Variants in CDV3 observed in about 807,000 individuals in gnomAD.
CDV3 encodes CDV3 homolog.
A neutral mutation model predicts 24.5 loss-of-function variants in CDV3; 14 were observed. The ratio of observed to expected loss-of-function variants is 0.57; its 90% CI spans 0.38 to 0.89. The LOEUF (loss-of-function observed/expected upper bound fraction) is 0.89. Ranked by LOEUF, CDV3 falls within the 40% of genes least tolerant of loss-of-function variation. The pLI, the probability that CDV3 is intolerant of heterozygous loss-of-function variation, is 0.00. For synonymous variants in CDV3, 114 were observed against 114.1 expected (o/e 1.00, Z 0.00); for missense variants, 304 against 310.2 (o/e 0.98, Z 0.15).
chr3:133,579,079 G>A (rs2074923170), intron 2 of CDV3, among the ~76,000 whole-genome samples: 1 of 152,168 alleles, frequency 6.6e-6, no homozygotes, highest in Non-Finnish European at 1.5e-5. Context: ...TGTAGCCCTG[G>A]GGAAGGTACT....
rs935632153 is a variant in CDV3, at chr3:133,587,715, CTG to C, written c.627-177_627-176del. The C allele has an allele frequency of 4.2e-5, 59 of 1,389,296 alleles. No individual in the cohort carries two copies. In the African/African-American group the frequency reaches 7.8e-4, roughly 18 times the overall value. The allele number at this position is 1,389,296 out of a possible 1,614,324, so 86.1% of individuals were successfully genotyped here. ...GACCCTAGAGCTTCAATACAGCGTTCTGTGTTTTCTGTTTGAATTGAAGCCTT... is the reference window on the plus strand; with the variant it reads ...GACCCTAGAGCTTCAATACAGCGTTCTGTTTTCTGTTTGAATTGAAGCCTT... On this transcript the variant is annotated intron_variant, in intron 4 of 4. Coordinates refer to ENST00000264993, the MANE Select transcript of CDV3 (RefSeq NM_017548.5).
In CDV3 at chr3:133,574,232, C is replaced by T. The variant is rs2074712188; in HGVS notation, c.188C>T (p.Thr63Ile). 3 of 994,894 alleles carry T rather than the reference C, an allele frequency of 3.0e-6. No individual in the cohort carries two copies. The highest frequency in any genetic ancestry group is 3.6e-6 in the Non-Finnish European group (3 of 837,654). The allele number at this position is 994,894 out of a possible 1,614,324, so 61.6% of individuals were successfully genotyped here. A position where few individuals can be genotyped will look rare whatever the true frequency, so the allele number is the denominator to read the frequency against. The change falls in exon 1 of 5, where the codon ACC (threonine) becomes ATC (isoleucine). Residue 63 changes from threonine to isoleucine, a missense_variant. By Grantham distance (89) the Thr-to-Ile change is moderately conservative. Around this residue, in one of 3 missense-constraint regions of CDV3, gnomAD observed 219 missense variants for 203.6 expected, o/e 1.08. Coordinates refer to ENST00000264993, the MANE Select transcript of CDV3 (RefSeq NM_017548.5). ...GAGTRPGDGG[T>I]ASAGAAGPGA... The stretch of plus-strand genomic sequence containing the variant: ...GGGACCCGGCCGGGTGACGGCGGGA[C>T]CGCCAGCGCGGGGGCTGCGGGCCCA...
At chr3:133,578,352 A>C (rs1338346534) in intron 2 of CDV3, among the ~76,000 whole-genome samples, 1 of 152,234 alleles carries the variant, frequency 6.6e-6, no homozygotes, top group Admixed American at 6.5e-5. Context: ...AGCATTTGTC[A>C]CGTTTCAGTA....
chr3:133,580,671 C>T (rs921251914), intron 2 of CDV3, among the ~76,000 whole-genome samples: 1 of 151,896 alleles, frequency 6.6e-6, no homozygotes, highest in East Asian at 1.9e-4. Flanking sequence ...CATTGCACTC[C>T]AGTCTGGGCA....
chr3:133,574,797 C>T (rs760606559), intron 1 of CDV3: 3 of 998,040 alleles, frequency 3.0e-6, no homozygotes, highest in African/African-American at 3.3e-5. Context: ...TTCGGCTTTT[C>T]TTAGTTGCTT....
Position 133,586,550 on chromosome 3 carries a change from TATAAA to T in CDV3, c.467-9_467-5del. ...TTTAAATAGTTTATCTAAAAATTGT[TATAAA>T]ATATTAGTTACAGAAACCCCAGAAC... On this transcript the variant is annotated splice_region_variant and splice_polypyrimidine_tract_variant and intron_variant, in intron 3 of 4. Coordinates refer to ENST00000264993, the MANE Select transcript of CDV3 (RefSeq NM_017548.5). 1 of 1,427,850 alleles carries T rather than the reference TATAAA, an allele frequency of 7.0e-7. No individual in the cohort carries two copies. The highest frequency in any genetic ancestry group is 9.7e-7 in the Non-Finnish European group (1 of 1,026,928). 88.4% of individuals were successfully genotyped at this position (1,427,850 alleles called of 1,614,324 possible).
intron 2 of CDV3, among the ~76,000 whole-genome samples, chr3:133,577,902 G>C (rs2074875751): frequency 6.6e-6 from 1 of 152,186 alleles, no homozygotes; most frequent in Non-Finnish European, 1.5e-5. Flanking sequence ...ACAGATTCTT[G>C]AGAGGGAAGC....
chr3:133,583,363 A>AC (rs1933255679), intron 2 of CDV3, among the ~76,000 whole-genome samples: 2 of 152,322 alleles, frequency 1.3e-5, no homozygotes, highest in African/African-American at 4.8e-5. Context: ...TGCTTACCTT[A>AC]AATGCCTGTT....
rs893150019 is a variant in CDV3 at position 133,574,339 on chromosome 3, G to T, written c.240+55G>T. The T allele has an allele frequency of 9.3e-4, 854 of 920,116 alleles. 1 individual carries two copies. Among genetic ancestry groups the T allele is most frequent in the Admixed American group, 3.2e-3 (52 of 16,206 alleles). The allele number at this position is 920,116 out of a possible 1,614,324, so 57.0% of individuals were successfully genotyped here. A position where few individuals can be genotyped will look rare whatever the true frequency, so the allele number is the denominator to read the frequency against. Reference sequence around the variant, plus strand: ...CCCGGGCCGCGCGCCGGCGCCCCATGTGCCCGCCCCCGCCTGCCGGGGAAG... The same window carrying T: ...CCCGGGCCGCGCGCCGGCGCCCCATTTGCCCGCCCCCGCCTGCCGGGGAAG... On this transcript the variant is annotated intron_variant, in intron 1 of 4. Transcript: ENST00000264993.
chr3:133,575,332 G>C (rs1388622937), intron 2 of CDV3, among the ~76,000 whole-genome samples: 1 of 152,218 alleles, frequency 6.6e-6, no homozygotes, highest in Non-Finnish European at 1.5e-5. Context: ...TCCTGTGAGA[G>C]CTTGCCTACT....
rs2074829111 is a variant in CDV3 at position 133,576,841 on chromosome 3, C to CTTTTTTTTTTTTTTTTTTTGTT, written c.317+1745_317+1746insGTTTTTTTTTTTTTTTTTTTTT. ...TCTGTTCAACCTGAAGGTAGACTAG[C>CTTTTTTTTTTTTTTTTTTTGTT]TTTTTTTTTTTTTTTTTTTTTTTGA... On this transcript the variant is annotated intron_variant, in intron 2 of 4. Coordinates refer to ENST00000264993, the MANE Select transcript of CDV3 (RefSeq NM_017548.5). 3.2e-5 allele frequency among the ~76,000 whole-genome samples: 2 copies of CTTTTTTTTTTTTTTTTTTTGTT among 62,388 alleles called. 1 individual carries two copies. Among genetic ancestry groups the CTTTTTTTTTTTTTTTTTTTGTT allele is most frequent in the Non-Finnish European group, 5.6e-5 (2 of 35,714 alleles). 40.9% of individuals were successfully genotyped at this position (62,388 alleles called of 152,430 possible). A position where few individuals can be genotyped will look rare whatever the true frequency, so the allele number is the denominator to read the frequency against.
chr3:133,586,903 A>G (rs917262252), intron 4 of CDV3, among the ~76,000 whole-genome samples, 181 bp downstream of exon 4: 4 of 152,234 alleles, frequency 2.6e-5, no homozygotes, highest in African/African-American at 7.2e-5. Flanking sequence ...AAGGGAGGAA[A>G]GGGGGAGGGC....
At chr3:133,587,543 A>G (rs1933734805) in intron 4 of CDV3, 2 of 1,098,716 alleles carry the variant, frequency 1.8e-6, no homozygotes, top group South Asian at 4.2e-5. Flanking sequence ...GAAAATTGTT[A>G]CCCTTGTGCA....
chr3:133,587,181 C>A, intron 4 of CDV3: 1 of 1,352,518 alleles, frequency 7.4e-7, no homozygotes, highest in South Asian at 1.8e-5. Context: ...ATGAATGCTA[C>A]CTGGAATTAA....
intron 3 of CDV3, among the ~76,000 whole-genome samples, chr3:133,584,750 T>G (rs778434202): frequency 5.3e-5 from 8 of 152,168 alleles, no homozygotes; most frequent in Non-Finnish European, 8.8e-5. Context: ...TTTATCATTC[T>G]CAAGGTGGTA....
At chr3:133,577,471 C>T (rs2074860385) in intron 2 of CDV3, among the ~76,000 whole-genome samples, 2 of 152,046 alleles carry the variant, frequency 1.3e-5, no homozygotes, top group Non-Finnish European at 2.9e-5. Context: ...AGCGATTCTC[C>T]TGCCTCAGCC....
At chr3:133,579,227 TCTC>T (rs1054473635) in intron 2 of CDV3, among the ~76,000 whole-genome samples, 4 of 152,182 alleles carry the variant, frequency 2.6e-5, no homozygotes, top group Non-Finnish European at 5.9e-5. Context: ...GCATCATTAT[TCTC>T]CTCACCTTAC....
chr3:133,574,101 G>A lies in CDV3; in HGVS notation c.57G>A (p.Lys19=). Residue 19 remains lysine (K), a synonymous_variant, in exon 1 of 5, where the codon AAG becomes AAA. Transcript: ENST00000264993. ...ACTTCTTTGCCAAGAGGGACAAGAA[G>A]AAGAAGAAGGAGCGGAGCAACCGGG... ...LDNFFAKRDK[K]KKKERSNRAA... 1 of 1,225,396 alleles carries A rather than the reference G, an allele frequency of 8.2e-7. No individual in the cohort carries two copies. Among genetic ancestry groups the A allele is most frequent in the Non-Finnish European group, 1.0e-6 (1 of 958,594 alleles). 75.9% of individuals were successfully genotyped at this position (1,225,396 alleles called of 1,614,324 possible).
chr3:133,580,627 G>T (rs139539273), intron 2 of CDV3, among the ~76,000 whole-genome samples: 1 of 152,102 alleles, frequency 6.6e-6, no homozygotes, highest in African/African-American at 2.4e-5. Flanking sequence ...GCTTGAACCC[G>T]GGAGGCAGAG....
Sources: gnomAD v4.1 joint callset for allele counts (sites outside exome capture counted in the v4.1 genomes callset) on GRCh38, gnomAD v4.1.1 for gene constraint, gnomAD v4.1.1 regional missense constraint, MANE v1.5 for transcripts, NCBI Gene and HGNC (gene_info 2026-07-23, HGNC 2026-07-21) for gene names.